LDAH: variants seen among roughly 807,000 people sequenced by gnomAD.
LDAH encodes the protein lipid droplet associated hydrolase.
Under a neutral mutation model 29.6 loss-of-function variants are expected in LDAH, and 26 were observed. The ratio of observed to expected loss-of-function variants is 0.88; its 90% CI spans 0.64 to 1.22. The LOEUF (loss-of-function observed/expected upper bound fraction) is 1.22. Ranked by LOEUF, LDAH falls within the 50% of genes most tolerant of loss-of-function variation. The probability of loss-of-function intolerance (pLI) is 0.00; values close to 1 mark genes in which losing one functional copy is unlikely to be tolerated. For synonymous variants in LDAH, 117 were observed against 133.0 expected (o/e 0.88, Z 0.83); for missense variants, 344 against 387.3 (o/e 0.89, Z 0.94).
intron 1 of LDAH, among the ~76,000 whole-genome samples, chr2:20,819,367 G>A (rs1442411361): frequency 6.6e-6 from 1 of 152,112 alleles, no homozygotes; most frequent in Non-Finnish European, 1.5e-5. Flanking sequence ...TACTTAAAGT[G>A]ACTTCAGAAT....
chr2:20,803,855 C>A lies in LDAH; in HGVS notation c.-2-2390G>T, dbSNP rs188068856. On this transcript the variant is annotated intron_variant, in intron 1 of 6. Coordinates refer to ENST00000237822, the MANE Select transcript of LDAH (RefSeq NM_021925.4). ...CTTCATAGTTTTTCTCTTATCATACCCTAATAATTCTTTAAGTTAAACTAA... is the reference window on the plus strand; with the variant it reads ...CTTCATAGTTTTTCTCTTATCATACACTAATAATTCTTTAAGTTAAACTAA... 1.8e-3 allele frequency among the ~76,000 whole-genome samples: 270 copies of A among 152,128 alleles called. 1 individual carries two copies. Among genetic ancestry groups the A allele is most frequent in the African/African-American group, 6.0e-3 (249 of 41,478 alleles).
At chr2:20,733,370 C>A (rs1400607970) in intron 5 of LDAH, among the ~76,000 whole-genome samples, 1 of 147,666 alleles carries the variant, frequency 6.8e-6, no homozygotes, top group Non-Finnish European at 1.5e-5. Context: ...GAAGCTGAGA[C>A]TACAGGCTAT....
intron 5 of LDAH, among the ~76,000 whole-genome samples, chr2:20,734,577 C>T (rs1336418013): frequency 6.6e-6 from 1 of 152,080 alleles, no homozygotes; most frequent in East Asian, 1.9e-4. Context: ...CTGTACCCTC[C>T]CCCATTTATA....
intron 2 of LDAH, among the ~76,000 whole-genome samples, chr2:20,793,836 C>G (rs919478876): frequency 6.6e-6 from 1 of 151,974 alleles, no homozygotes; most frequent in Non-Finnish European, 1.5e-5. Flanking sequence ...ACCTAAATAG[C>G]CCTAAATTGA....
chr2:20,689,652 A>G (rs1662845443), intron 6 of LDAH, among the ~76,000 whole-genome samples: 1 of 152,232 alleles, frequency 6.6e-6, no homozygotes, highest in Admixed American at 6.5e-5. Context: ...GCTCTCTCTA[A>G]GCTACTCCCT....
chr2:20,692,451 G>C (rs1435133025), intron 6 of LDAH, among the ~76,000 whole-genome samples: 1 of 152,150 alleles, frequency 6.6e-6, no homozygotes, highest in African/African-American at 2.4e-5. Context: ...CAATGACATA[G>C]CAACATCTTA....
chr2:20,774,898 A>C lies in LDAH; in HGVS notation c.380T>G (p.Val127Gly). ...GAGCACAAGTTTCATGTCCTTTGGC[A>C]CATGAGTTCTCAGGAAAGCTAGTTT... Reference protein sequence around the residue: ...EHKLAFLRTHVPKDMKLVLIG... With the variant: ...EHKLAFLRTHGPKDMKLVLIG... The change falls in exon 4 of 7, where the codon GTG becomes GGG. Residue 127 changes from valine (V) to glycine (G), a missense_variant. Coordinates refer to ENST00000237822, the MANE Select transcript of LDAH (RefSeq NM_021925.4). 4.3e-6 allele frequency: 7 copies of C among 1,613,732 alleles called. No individual in the cohort carries two copies. The highest frequency in any genetic ancestry group is 5.9e-6 in the Non-Finnish European group (7 of 1,179,946).
At chr2:20,755,128 T>TG (rs1491313372) in intron 4 of LDAH, among the ~76,000 whole-genome samples, 2,716 of 53,406 alleles carry the variant, frequency 0.051, 80 homozygotes, top group African/African-American at 0.18. Context: ...TGTGTCTGTG[T>TG]TTGTGTGTGT....
chr2:20,694,844 G>A (rs917706024), intron 6 of LDAH, among the ~76,000 whole-genome samples: 2 of 152,208 alleles, frequency 1.3e-5, no homozygotes, highest in Non-Finnish European at 2.9e-5. Context: ...CATGTAAAGG[G>A]CCAGGATCCT....
At chr2:20,730,268 T>C (rs982613942) in intron 5 of LDAH, among the ~76,000 whole-genome samples, 27 of 152,296 alleles carry the variant, frequency 1.8e-4, no homozygotes, top group Admixed American at 4.6e-4. Flanking sequence ...AAAACTACAA[T>C]AAACATTCAT....
chr2:20,718,961 A>G (rs868779977), intron 5 of LDAH, among the ~76,000 whole-genome samples: 15 of 151,008 alleles, frequency 9.9e-5, no homozygotes, highest in Admixed American at 1.3e-4. Flanking sequence ...AAAACTCTTA[A>G]AACAAATGAA....
At chr2:20,739,899 A>G in intron 5 of LDAH, 72 bp downstream of exon 5, 2 of 1,087,082 alleles carry the variant, frequency 1.8e-6, no homozygotes, top group Non-Finnish European at 2.6e-6. Context: ...ATATTTGTCC[A>G]CTGTCAGAGA....
chr2:20,740,089 G>A lies in LDAH; in HGVS notation c.585C>T (p.Tyr195=). 2 of 1,614,094 alleles carry A rather than the reference G, an allele frequency of 1.2e-6. No homozygotes were observed. The highest frequency in any genetic ancestry group is 1.7e-6 in the Non-Finnish European group (2 of 1,179,970). The part of the protein sequence containing the change: ...WFRYVLYVTG[Y]LLLKPCPETI... The stretch of plus-strand genomic sequence containing the variant: ...TCTCAGGACACGGTTTCAATAATAA[G>A]TAGCCAGTAACATAGAGAACATATC... The change falls in exon 5 of 7, where the codon TAC becomes TAT. Residue 195 remains tyrosine (Y), a synonymous_variant. Coordinates refer to ENST00000237822, the MANE Select transcript of LDAH (RefSeq NM_021925.4).
chr2:20,813,040 C>T (rs1391004302), intron 1 of LDAH, among the ~76,000 whole-genome samples: 1 of 152,176 alleles, frequency 6.6e-6, no homozygotes, highest in Non-Finnish European at 1.5e-5. Flanking sequence ...GAATTTGAAT[C>T]CAGAAATGTC....
chr2:20,812,219 T>A (rs1003755763), intron 1 of LDAH, among the ~76,000 whole-genome samples: 3 of 152,226 alleles, frequency 2.0e-5, no homozygotes, highest in African/African-American at 7.2e-5. Context: ...ATACAGTTTC[T>A]CCAGCAGCTT....
chr2:20,737,085 A>T (rs1042533307), intron 5 of LDAH, among the ~76,000 whole-genome samples: 7 of 152,116 alleles, frequency 4.6e-5, no homozygotes, highest in African/African-American at 1.7e-4. Flanking sequence ...GGCTTTTGTT[A>T]GGACCTTTAA....
chr2:20,820,443 C>T (rs1572704672), intron 1 of LDAH, among the ~76,000 whole-genome samples: 1 of 152,046 alleles, frequency 6.6e-6, no homozygotes, highest in East Asian at 1.9e-4. Context: ...CAGAACAGAG[C>T]CCTCAGAAAT....
chr2:20,779,318 G>A (rs1670022391), intron 3 of LDAH, among the ~76,000 whole-genome samples: 1 of 152,026 alleles, frequency 6.6e-6, no homozygotes, highest in South Asian at 2.1e-4. Flanking sequence ...CATGGACACA[G>A]AGAGGGGAAC....
intron 1 of LDAH, among the ~76,000 whole-genome samples, chr2:20,821,766 T>A (rs1458455900): frequency 1.3e-5 from 2 of 151,972 alleles, no homozygotes; most frequent in Non-Finnish European, 2.9e-5. Context: ...AAAGTATAAT[T>A]TTAAAAAAAT....
Sources: allele counts gnomAD v4.1 joint callset (sites outside exome capture counted in the v4.1 genomes callset), GRCh38; gene constraint gnomAD v4.1.1; transcripts MANE v1.5; gene names NCBI Gene and HGNC (gene_info 2026-07-23, HGNC 2026-07-21).